Variants in PHACTR1 observed in about 807,000 individuals in gnomAD.
PHACTR1 encodes phosphatase and actin regulator 1.
A neutral mutation model predicts 69.2 loss-of-function variants in PHACTR1; 16 were observed. That is an observed-to-expected ratio of 0.23 (90% CI 0.16 to 0.35). The LOEUF (loss-of-function observed/expected upper bound fraction) is 0.35. Ranked by LOEUF, PHACTR1 falls within the 10% of genes least tolerant of loss-of-function variation. The pLI is 1.00. For missense variants in PHACTR1, 510 were observed against 734.7 expected (o/e 0.69, Z 3.54); for synonymous variants, 312 against 284.5 (o/e 1.10, Z -0.97).
intron 4 of PHACTR1, among the ~76,000 whole-genome samples, chr6:13,019,383 G>C (rs1800653662): frequency 6.6e-6 from 1 of 152,150 alleles, no homozygotes; most frequent in African/African-American, 2.4e-5. Flanking sequence ...TAGTGCCTAG[G>C]CAAGGACCAG....
intron 4 of PHACTR1, among the ~76,000 whole-genome samples, chr6:12,851,218 G>A (rs6900223): frequency 0.016 from 2,493 of 152,308 alleles, 61 homozygotes; most frequent in African/African-American, 0.055. Flanking sequence ...AGGGAAGTGG[G>A]TGCTGAGCAA....
intron 12 of PHACTR1, chr6:13,281,485 C>A: frequency 3.1e-6 from 1 of 323,716 alleles, no homozygotes; most frequent in Non-Finnish European, 6.5e-6. Context: ...ACCCAAGAGG[C>A]GGAGGTTGCA....
intron 4 of PHACTR1, among the ~76,000 whole-genome samples, chr6:13,043,919 TA>T (rs1804610048): frequency 1.3e-5 from 2 of 152,186 alleles, no homozygotes; most frequent in African/African-American, 4.8e-5. Flanking sequence ...TTCTATAGAT[TA>T]AATGAACAAC....
At chr6:13,020,933 C>A (rs936034196) in intron 4 of PHACTR1, among the ~76,000 whole-genome samples, 7 of 152,142 alleles carry the variant, frequency 4.6e-5, no homozygotes, top group Non-Finnish European at 1.0e-4. Flanking sequence ...TGGGATACCA[C>A]ACTAAGGAGC....
intron 10 of PHACTR1, chr6:13,272,103 G>A (rs1288922472): frequency 1.3e-5 from 2 of 152,252 alleles, no homozygotes; most frequent in African/African-American, 4.8e-5. Flanking sequence ...AGGCTCCTGA[G>A]TCCGTGTCAG....
intron 4 of PHACTR1, among the ~76,000 whole-genome samples, chr6:12,959,746 A>G (rs527246527): frequency 1.3e-5 from 2 of 152,220 alleles, no homozygotes; most frequent in Non-Finnish European, 2.9e-5. Flanking sequence ...CCCAAATCAC[A>G]GAAGATAACA....
intron 3 of PHACTR1, among the ~76,000 whole-genome samples, chr6:12,737,370 G>A: frequency 6.7e-6 from 1 of 148,856 alleles, no homozygotes; most frequent in East Asian, 2.0e-4. Flanking sequence ...GCACATGATG[G>A]TATATATACA....
At chr6:12,941,172 C>T (rs1344623770) in intron 4 of PHACTR1, among the ~76,000 whole-genome samples, 3 of 152,148 alleles carry the variant, frequency 2.0e-5, no homozygotes, top group Non-Finnish European at 4.4e-5. Flanking sequence ...ACCCTTGAGT[C>T]CCAATACGTT....
chr6:12,870,232 G>A, intron 4 of PHACTR1, among the ~76,000 whole-genome samples: 1 of 152,140 alleles, frequency 6.6e-6, no homozygotes, highest in East Asian at 1.9e-4. Context: ...AGCAGTACAT[G>A]TAGGTGTAAT....
At chr6:13,147,500 C>G (rs1479772652) in intron 5 of PHACTR1, among the ~76,000 whole-genome samples, 1 of 152,208 alleles carries the variant, frequency 6.6e-6, no homozygotes, top group Non-Finnish European at 1.5e-5. Context: ...TGCTGGCTTT[C>G]TTCCCCCAAT....
At chr6:12,942,967 A>G (rs1790204587) in intron 4 of PHACTR1, among the ~76,000 whole-genome samples, 2 of 152,244 alleles carry the variant, frequency 1.3e-5, no homozygotes, top group South Asian at 4.1e-4. Context: ...TCATTCCTCA[A>G]TAGGTTAAAC....
intron 4 of PHACTR1, among the ~76,000 whole-genome samples, chr6:12,783,978 A>C (rs1310819481): frequency 6.6e-6 from 1 of 152,116 alleles, no homozygotes; most frequent in Non-Finnish European, 1.5e-5. Context: ...ATACATATAC[A>C]CACACATATA....
intron 5 of PHACTR1, among the ~76,000 whole-genome samples, chr6:13,062,855 A>G (rs1807884465): frequency 6.6e-6 from 1 of 152,244 alleles, no homozygotes; most frequent in South Asian, 2.1e-4. Context: ...TATGTCCACC[A>G]TGAAGACTCT....
intron 4 of PHACTR1, among the ~76,000 whole-genome samples, chr6:12,795,238 A>G (rs1772831026): frequency 1.3e-5 from 2 of 152,194 alleles, no homozygotes; most frequent in African/African-American, 2.4e-5. Flanking sequence ...GAGAAATTCT[A>G]GTTAATAATC....
chr6:13,046,006 C>A (rs772473560), intron 4 of PHACTR1, among the ~76,000 whole-genome samples: 10 of 152,172 alleles, frequency 6.6e-5, no homozygotes, highest in Non-Finnish European at 8.8e-5. Context: ...GGCATGCACA[C>A]ACTATTGATT....
At chr6:12,725,314 C>T (rs1762639072) in intron 3 of PHACTR1, among the ~76,000 whole-genome samples, 1 of 152,190 alleles carries the variant, frequency 6.6e-6, no homozygotes, top group Non-Finnish European at 1.5e-5. Flanking sequence ...TTTGGTAGCA[C>T]TCCATTAGTT....
intron 4 of PHACTR1, among the ~76,000 whole-genome samples, chr6:12,822,578 G>A (rs183715159): frequency 6.6e-6 from 1 of 152,298 alleles, no homozygotes; most frequent in East Asian, 1.9e-4. Flanking sequence ...CCTCGCCCCA[G>A]GCCTCCTCTC....
At chr6:12,969,334 T>C (rs1793883546) in intron 4 of PHACTR1, among the ~76,000 whole-genome samples, 1 of 152,234 alleles carries the variant, frequency 6.6e-6, no homozygotes, top group African/African-American at 2.4e-5. Flanking sequence ...TGGCTATTTC[T>C]GTGTTCCTGA....
chr6:12,726,033 A>C (rs1044873595), intron 3 of PHACTR1, among the ~76,000 whole-genome samples: 4 of 152,192 alleles, frequency 2.6e-5, no homozygotes, highest in African/African-American at 7.2e-5. Context: ...TGGAGCCTGC[A>C]TAAGACTGAA....
Sources: allele counts gnomAD v4.1 joint callset (sites outside exome capture counted in the v4.1 genomes callset), GRCh38; gene constraint gnomAD v4.1.1; transcripts MANE v1.5; gene names NCBI Gene and HGNC (gene_info 2026-07-23, HGNC 2026-07-21).